NEGR1: variants seen among roughly 807,000 people sequenced by gnomAD.
NEGR1 encodes the protein neuronal growth regulator 1.
NEGR1 carries 10 observed loss-of-function variants against 40.9 expected under a neutral mutation model. The ratio of observed to expected loss-of-function variants is 0.24; its 90% CI spans 0.15 to 0.42. The LOEUF (loss-of-function observed/expected upper bound fraction) is 0.42. NEGR1 is among the 10% of genes least tolerant of loss of function. NEGR1 has a pLI of 1.00. For missense variants in NEGR1, 352 were observed against 438.9 expected (o/e 0.80, Z 1.77); for synonymous variants, 185 against 166.8 (o/e 1.11, Z -0.84).
chr1:71,643,334 G>A (rs1239610825), intron 4 of NEGR1, among the ~76,000 whole-genome samples: 3 of 152,036 alleles, frequency 2.0e-5, no homozygotes, highest in Admixed American at 6.6e-5. Flanking sequence ...CAGTGATGGC[G>A]ATGGTATTGG....
chr1:72,145,490 A>G (rs1222924831), intron 1 of NEGR1, among the ~76,000 whole-genome samples: 2 of 152,150 alleles, frequency 1.3e-5, no homozygotes, highest in African/African-American at 4.8e-5. Context: ...CACTGAAGCA[A>G]TCATGTGCAA....
At chr1:71,714,554 T>C (rs1654210630) in intron 3 of NEGR1, among the ~76,000 whole-genome samples, 1 of 152,156 alleles carries the variant, frequency 6.6e-6, no homozygotes, top group African/African-American at 2.4e-5. Context: ...CTAGAAACAA[T>C]GGAGGTACAG....
intron 6 of NEGR1, among the ~76,000 whole-genome samples, chr1:71,545,047 A>T (rs367743907): frequency 2.0e-5 from 3 of 151,636 alleles, no homozygotes; most frequent in Admixed American, 6.6e-5. Flanking sequence ...TGCCAGAAAG[A>T]CTATTAATTA....
At chr1:71,839,701 CA>C (rs1298041581) in intron 2 of NEGR1, among the ~76,000 whole-genome samples, 1 of 152,114 alleles carries the variant, frequency 6.6e-6, no homozygotes, top group Non-Finnish European at 1.5e-5. Context: ...ATATTATTTG[CA>C]AATATTCCAG....
intron 6 of NEGR1, among the ~76,000 whole-genome samples, chr1:71,442,311 C>T (rs1236900059): frequency 7.4e-6 from 1 of 135,270 alleles, no homozygotes; most frequent in Non-Finnish European, 1.5e-5. Flanking sequence ...ACTTTTCCAT[C>T]GTTAAATAAT....
At chr1:71,722,961 T>C (rs1323191353) in intron 3 of NEGR1, among the ~76,000 whole-genome samples, 3 of 152,102 alleles carry the variant, frequency 2.0e-5, no homozygotes, top group Non-Finnish European at 4.4e-5. Flanking sequence ...TCATCCCACA[T>C]TAGTTTGTTT....
chr1:71,782,958 A>G (rs1039852982), intron 2 of NEGR1, among the ~76,000 whole-genome samples: 1 of 151,724 alleles, frequency 6.6e-6, no homozygotes, highest in Non-Finnish European at 1.5e-5. Flanking sequence ...GGTCTGTCAC[A>G]TCTTAGGTAG....
chr1:71,432,157 A>C (rs1187399674), intron 6 of NEGR1, among the ~76,000 whole-genome samples: 1 of 152,182 alleles, frequency 6.6e-6, no homozygotes. Flanking sequence ...CAGAGGAGTG[A>C]CATGTTCTAA....
chr1:72,074,250 T>A (rs971127223), intron 1 of NEGR1, among the ~76,000 whole-genome samples: 1 of 152,120 alleles, frequency 6.6e-6, no homozygotes, highest in Non-Finnish European at 1.5e-5. Flanking sequence ...AATGACTATG[T>A]TGATACTCCT....
intron 3 of NEGR1, among the ~76,000 whole-genome samples, chr1:71,706,855 ACT>A (rs2101638424): frequency 6.6e-6 from 1 of 152,132 alleles, no homozygotes; most frequent in Non-Finnish European, 1.5e-5. Context: ...ATACCCAGGT[ACT>A]ACATTGAGGG....
intron 2 of NEGR1, among the ~76,000 whole-genome samples, chr1:71,788,292 G>C (rs1234389858): frequency 6.6e-6 from 1 of 151,864 alleles, no homozygotes; most frequent in Non-Finnish European, 1.5e-5. Context: ...GCCATGTGTT[G>C]GCTCCTAGAT....
chr1:71,919,545 T>C (rs966855001), intron 2 of NEGR1, among the ~76,000 whole-genome samples: 3 of 150,632 alleles, frequency 2.0e-5, no homozygotes, highest in Non-Finnish European at 4.4e-5. Context: ...GGATAAAAAC[T>C]ACAGTTACTC....
intron 1 of NEGR1, among the ~76,000 whole-genome samples, chr1:72,105,297 A>C (rs193200217): frequency 5.2e-4 from 79 of 152,236 alleles, no homozygotes; most frequent in African/African-American, 1.5e-3. Context: ...TTTTTAAGAG[A>C]TGTTTCTTCC....
At chr1:72,202,781 T>G (rs2100449194) in intron 1 of NEGR1, among the ~76,000 whole-genome samples, 1 of 152,178 alleles carries the variant, frequency 6.6e-6, no homozygotes, top group South Asian at 2.1e-4. Context: ...GCTTGGTGGC[T>G]AATGCAGCTG....
intron 6 of NEGR1, among the ~76,000 whole-genome samples, chr1:71,511,182 A>G (rs753033666): frequency 2.0e-5 from 3 of 152,182 alleles, no homozygotes; most frequent in African/African-American, 4.8e-5. Context: ...TCAGCATAAT[A>G]TGCTCTGCAA....
chr1:71,872,266 A>T (rs1175679983), intron 2 of NEGR1, among the ~76,000 whole-genome samples: 2 of 152,262 alleles, frequency 1.3e-5, no homozygotes, highest in Non-Finnish European at 2.9e-5. Context: ...TGATTTTCTG[A>T]GGTGGTTTTG....
chr1:71,647,634 G>A (rs1395782406), intron 4 of NEGR1, among the ~76,000 whole-genome samples: 1 of 151,928 alleles, frequency 6.6e-6, no homozygotes, highest in Non-Finnish European at 1.5e-5. Flanking sequence ...TCAAGTGAGA[G>A]CTGTTGTTCA....
At chr1:71,859,091 C>T (rs1336179827) in intron 2 of NEGR1, among the ~76,000 whole-genome samples, 1 of 152,070 alleles carries the variant, frequency 6.6e-6, no homozygotes, top group Non-Finnish European at 1.5e-5. Flanking sequence ...CAATGGCTCC[C>T]CAATTCACTT....
chr1:71,896,786 C>A (rs1048156590), intron 2 of NEGR1, among the ~76,000 whole-genome samples: 1 of 152,232 alleles, frequency 6.6e-6, no homozygotes, highest in Non-Finnish European at 1.5e-5. Flanking sequence ...TGGTTCCCAG[C>A]AACATTTGTT....
Sources: gnomAD v4.1 joint callset for allele counts (sites outside exome capture counted in the v4.1 genomes callset) on GRCh38, gnomAD v4.1.1 for gene constraint, MANE v1.5 for transcripts, NCBI Gene and HGNC (gene_info 2026-07-23, HGNC 2026-07-21) for gene names.